TCEA1: variants seen among roughly 807,000 people sequenced by gnomAD.
TCEA1 encodes the protein transcription elongation factor A1, also known as transcription elongation factor A protein 1.
TCEA1 carries 21 observed loss-of-function variants against 43.8 expected under a neutral mutation model. The observed-to-expected ratio is 0.48, with a 90% confidence interval of 0.34 to 0.69. The LOEUF (loss-of-function observed/expected upper bound fraction) is 0.69, where lower values mean the gene tolerates loss of function less well. Among genes scored for constraint, TCEA1 ranks in the 30% least tolerant of loss-of-function variants. The pLI is 0.01. For synonymous variants in TCEA1, 104 were observed against 117.5 expected, an observed-to-expected ratio of 0.88 and a Z score of 0.75; for missense variants, 250 against 365.1, an observed-to-expected ratio of 0.68 and a Z score of 2.57.
Position 53,967,989 on chromosome 8 carries a change from A to T in TCEA1, c.*115T>A. ...GATGTTAGGTCAAAAACAAAGTCTAACCCAAGTTGCTTTAAAAATTTGATT... is the reference window on the plus strand; with the variant it reads ...GATGTTAGGTCAAAAACAAAGTCTATCCCAAGTTGCTTTAAAAATTTGATT... On this transcript the variant is annotated 3_prime_UTR_variant, in exon 10 of 10. Transcript: ENST00000521604. The T allele has an allele frequency of 1.1e-6, 1 of 944,228 alleles. No homozygotes were observed. The highest frequency in any genetic ancestry group is 1.6e-6 in the Non-Finnish European group (1 of 631,556). 58.5% of individuals were successfully genotyped at this position (944,228 alleles called of 1,614,324 possible). A position where few individuals can be genotyped will look rare whatever the true frequency, so the allele number is the denominator to read the frequency against.
intron 3 of TCEA1, among the ~76,000 whole-genome samples, chr8:53,997,889 T>C (rs1645569516): frequency 6.6e-6 from 1 of 152,192 alleles, no homozygotes; most frequent in South Asian, 2.1e-4. Flanking sequence ...AAAAAAGTGG[T>C]GGGAAAGGGG....
At chr8:53,977,109 G>A (rs1803356285) in intron 8 of TCEA1, among the ~76,000 whole-genome samples, 1 of 152,178 alleles carries the variant, frequency 6.6e-6, no homozygotes, top group Non-Finnish European at 1.5e-5. Flanking sequence ...CACGAGGTCA[G>A]GAGATCGAGA....
intron 1 of TCEA1, among the ~76,000 whole-genome samples, chr8:54,011,835 T>A (rs1275686599): frequency 6.6e-6 from 1 of 152,210 alleles, no homozygotes; most frequent in Non-Finnish European, 1.5e-5. Flanking sequence ...TTTATTCTGG[T>A]AACAAAGAGT....
At chr8:54,014,618 G>C (rs897986112) in intron 1 of TCEA1, among the ~76,000 whole-genome samples, 5 of 152,066 alleles carry the variant, frequency 3.3e-5, no homozygotes, top group Non-Finnish European at 7.4e-5. Flanking sequence ...TTACATTGTT[G>C]GTGCTCCTAT....
At chr8:53,978,476 T>A (rs943409458) in intron 8 of TCEA1, 2 of 152,502 alleles carry the variant, frequency 1.3e-5, no homozygotes, top group Admixed American at 6.5e-5. Context: ...TCACTTGGAA[T>A]ACAGATCATC....
chr8:54,020,460 A>G (rs946843100), intron 1 of TCEA1, among the ~76,000 whole-genome samples: 4 of 152,184 alleles, frequency 2.6e-5, no homozygotes, highest in Non-Finnish European at 1.5e-5. Flanking sequence ...ATGAAATGAA[A>G]TACGAGGCAA....
At chr8:53,999,812 C>T (rs1033690368) in intron 3 of TCEA1, 133 bp downstream of exon 3, 1 of 642,576 alleles carries the variant, frequency 1.6e-6, no homozygotes, top group Non-Finnish European at 2.7e-6. Context: ...GCCTTTATTA[C>T]GAGGCACTGC....
chr8:54,021,983 A>C, intron 1 of TCEA1, 80 bp downstream of exon 1: 2 of 1,297,302 alleles, frequency 1.5e-6, no homozygotes, highest in Non-Finnish European at 2.0e-6. Context: ...GAGGGGAGGG[A>C]GAAGGAGGGA....
chr8:53,988,807 C>G (rs1803776144), intron 4 of TCEA1, among the ~76,000 whole-genome samples: 1 of 152,210 alleles, frequency 6.6e-6, no homozygotes, highest in Admixed American at 6.5e-5. Context: ...TGGCTCACAG[C>G]TGTAATCCCA....
chr8:53,979,907 A>G (rs2129300860), intron 7 of TCEA1, among the ~76,000 whole-genome samples: 1 of 152,326 alleles, frequency 6.6e-6, no homozygotes, highest in African/African-American at 2.4e-5. Flanking sequence ...TCCCCAATCA[A>G]TCAGCAGCAC....
intron 3 of TCEA1, among the ~76,000 whole-genome samples, chr8:53,997,138 G>C (rs528045089): frequency 1.3e-5 from 2 of 152,108 alleles, no homozygotes; most frequent in South Asian, 4.2e-4. Flanking sequence ...TCGATCTCCT[G>C]ACCTCGTGAT....
At chr8:53,975,619 A>G (rs1803308240) in intron 8 of TCEA1, among the ~76,000 whole-genome samples, 1 of 152,242 alleles carries the variant, frequency 6.6e-6, no homozygotes. Context: ...TATTATGCTA[A>G]GTGAAATAGG....
chr8:53,972,623 G>A, intron 8 of TCEA1: 1 of 598,714 alleles, frequency 1.7e-6, no homozygotes, highest in South Asian at 1.4e-5. Context: ...ATTCTTCAGA[G>A]TTTGGAAAGG....
chr8:54,016,203 G>A (rs1387271748), intron 1 of TCEA1, among the ~76,000 whole-genome samples: 1 of 152,202 alleles, frequency 6.6e-6, no homozygotes, highest in Non-Finnish European at 1.5e-5. Context: ...GTCGCCAGGC[G>A]CGGTGGCTCA....
chr8:53,991,577 C>G (rs542766647), intron 4 of TCEA1, among the ~76,000 whole-genome samples: 14 of 151,866 alleles, frequency 9.2e-5, no homozygotes, highest in African/African-American at 3.4e-4. Context: ...GCCTGTAATC[C>G]CAGCTACTTG....
At chr8:53,969,109 G>A (rs905770438) in intron 9 of TCEA1, among the ~76,000 whole-genome samples, 1 of 152,154 alleles carries the variant, frequency 6.6e-6, no homozygotes, top group Non-Finnish European at 1.5e-5. Flanking sequence ...GGCCAACATG[G>A]TGAAACGCCA....
At position 53,967,616 on chromosome 8, in the gene TCEA1, A is replaced by G. The variant is rs1803023254; in HGVS notation, c.*488T>C. On this transcript the variant is annotated 3_prime_UTR_variant, in exon 10 of 10. Coordinates refer to ENST00000521604, the MANE Select transcript of TCEA1 (RefSeq NM_006756.4). ...CCTCAAAATTATGTACATTTTAGAT[A>G]AGCTGGTCAAGTATTATTTGAATAC... 1 of 201,876 alleles carries G rather than the reference A, an allele frequency of 5.0e-6. No individual in the cohort carries two copies. The highest frequency in any genetic ancestry group is 1.0e-5 in the Non-Finnish European group (1 of 98,760). The allele number at this position is 201,876 out of a possible 1,614,324, so 12.5% of individuals were successfully genotyped here.
chr8:54,017,910 A>G (rs527378279), intron 1 of TCEA1, among the ~76,000 whole-genome samples: 5 of 152,306 alleles, frequency 3.3e-5, no homozygotes, highest in African/African-American at 1.2e-4. Flanking sequence ...ACATGACTGC[A>G]TGAGTTATAC....
chr8:53,992,055 T>C (rs1586011023), intron 4 of TCEA1, among the ~76,000 whole-genome samples: 1 of 152,224 alleles, frequency 6.6e-6, no homozygotes, highest in East Asian at 1.9e-4. Context: ...CTTACGCCTA[T>C]AATCCCAGCA....
Sources: allele counts gnomAD v4.1 joint callset (sites outside exome capture counted in the v4.1 genomes callset), GRCh38; gene constraint gnomAD v4.1.1; transcripts MANE v1.5; gene names NCBI Gene and HGNC (gene_info 2026-07-23, HGNC 2026-07-21).